Variants in RASAL2 observed in about 807,000 individuals in gnomAD.
The protein encoded by RASAL2 is RAS protein activator like 2.
RASAL2 carries 58 observed loss-of-function variants against 128.9 expected under a neutral mutation model. That is an observed-to-expected ratio of 0.45 (90% confidence interval 0.36 to 0.56). The LOEUF is 0.56. Ranked by LOEUF, RASAL2 falls within the 20% of genes least tolerant of loss-of-function variation. The pLI, the probability that RASAL2 is intolerant of heterozygous loss-of-function variation, is 0.00. For synonymous variants in RASAL2, 561 were observed against 580.8 expected, an observed-to-expected ratio of 0.97 and a Z score of 0.49; for missense variants, 1,360 against 1,601.6, an observed-to-expected ratio of 0.85 and a Z score of 2.57.
intron 1 of RASAL2, among the ~76,000 whole-genome samples, chr1:178,231,388 T>G (rs1278479599): frequency 6.6e-6 from 1 of 152,250 alleles, no homozygotes; most frequent in Admixed American, 6.5e-5. Flanking sequence ...AAAATTGGTT[T>G]TTCTTTTTAC....
chr1:178,131,581 ATTCTTTTAGTAACTC>A (rs1660119736), intron 1 of RASAL2, among the ~76,000 whole-genome samples: 1 of 151,898 alleles, frequency 6.6e-6, no homozygotes, highest in South Asian at 2.1e-4. Context: ...CTAATTTAAC[ATTCTTTTAGTAACTC>A]TTGCAAGGTG....
chr1:178,190,731 A>G (rs1483930546), intron 1 of RASAL2, among the ~76,000 whole-genome samples: 1 of 27,758 alleles, frequency 3.6e-5, no homozygotes, highest in Admixed American at 5.9e-4. Flanking sequence ...TTGTAATTTC[A>G]TAGTTAAAAA....
intron 1 of RASAL2, among the ~76,000 whole-genome samples, chr1:178,119,088 G>A (rs975170996): frequency 6.6e-5 from 10 of 152,044 alleles, no homozygotes; most frequent in Admixed American, 2.6e-4. Context: ...GGTTGGTCTC[G>A]AACTCCTGAC....
intron 1 of RASAL2, among the ~76,000 whole-genome samples, chr1:178,110,584 T>G (rs1168028923): frequency 6.8e-6 from 1 of 146,144 alleles, no homozygotes; most frequent in Non-Finnish European, 1.5e-5. Flanking sequence ...ATGTAGTATA[T>G]ATATGCTATA....
At chr1:178,207,152 A>C (rs1374032135) in intron 1 of RASAL2, among the ~76,000 whole-genome samples, 1 of 1,054 alleles carries the variant, frequency 9.5e-4, no homozygotes, top group Non-Finnish European at 0.029. Flanking sequence ...CCTTGTCTCA[A>C]AAAAAAAAAA....
At chr1:178,228,929 A>T (rs1453307221) in intron 1 of RASAL2, among the ~76,000 whole-genome samples, 1 of 152,080 alleles carries the variant, frequency 6.6e-6, no homozygotes, top group Non-Finnish European at 1.5e-5. Context: ...TATATTATAG[A>T]CTCAAAGGAA....
intron 4 of RASAL2, among the ~76,000 whole-genome samples, chr1:178,400,398 C>G (rs1198712555): frequency 6.6e-6 from 1 of 152,142 alleles, no homozygotes; most frequent in Admixed American, 6.5e-5. Flanking sequence ...TCCAGTGTTT[C>G]GTTACCTCTT....
In RASAL2 at chr1:178,094,621, C is replaced by A; in HGVS notation, c.129C>A (p.Ala43=). Reference sequence around the variant, plus strand: ...ACGCGGTTGTCCCAGTCAGTGGAGCCGTCGCCGGTGGCATGTTGGATCGGA... The same window carrying A: ...ACGCGGTTGTCCCAGTCAGTGGAGCAGTCGCCGGTGGCATGTTGGATCGGA... The part of the protein sequence containing the change: ...DLDAVVPVSG[A]VAGGMLDRIL... The change falls in exon 1 of 18, where the codon GCC becomes GCA. Residue 43 remains alanine, a synonymous_variant. Transcript: ENST00000367649. 6.2e-7 allele frequency: 1 copy of A among 1,613,480 alleles called. No homozygotes were observed. Among genetic ancestry groups the A allele is most frequent in the Non-Finnish European group, 8.5e-7 (1 of 1,179,818 alleles).
intron 5 of RASAL2, among the ~76,000 whole-genome samples, chr1:178,433,911 A>G (rs1470788854): frequency 2.0e-5 from 3 of 151,574 alleles, no homozygotes; most frequent in African/African-American, 7.3e-5. Flanking sequence ...GAGAGAAACT[A>G]TGTCTCAAAA....
chr1:178,254,488 A>T (rs577088195), intron 1 of RASAL2, among the ~76,000 whole-genome samples: 6 of 152,326 alleles, frequency 3.9e-5, no homozygotes, highest in African/African-American at 1.4e-4. Context: ...AGCCTTTGGA[A>T]ATGGTCATAA....
chr1:178,253,756 T>C (rs372330064), intron 1 of RASAL2, among the ~76,000 whole-genome samples: 6 of 152,156 alleles, frequency 3.9e-5, no homozygotes, highest in African/African-American at 1.4e-4. Flanking sequence ...CAAGGTAATG[T>C]CATCAGTTAA....
At chr1:178,127,642 A>G (rs957549262) in intron 1 of RASAL2, among the ~76,000 whole-genome samples, 1 of 152,088 alleles carries the variant, frequency 6.6e-6, no homozygotes, top group African/African-American at 2.4e-5. Context: ...TACATTTTAT[A>G]ACTTTGTTAC....
At chr1:178,428,690 A>G (rs1675686560) in intron 5 of RASAL2, among the ~76,000 whole-genome samples, 1 of 152,014 alleles carries the variant, frequency 6.6e-6, no homozygotes, top group Admixed American at 6.6e-5. Flanking sequence ...CCTGGGCTCA[A>G]GTAATCCTCC....
At chr1:178,116,756 C>T (rs757294866) in intron 1 of RASAL2, among the ~76,000 whole-genome samples, 10 of 152,066 alleles carry the variant, frequency 6.6e-5, no homozygotes, top group African/African-American at 2.4e-4. Context: ...ATTACATGCA[C>T]CCACCACCAC....
intron 1 of RASAL2, among the ~76,000 whole-genome samples, chr1:178,213,894 GA>G (rs900950666): frequency 8.5e-4 from 124 of 145,820 alleles, no homozygotes; most frequent in Non-Finnish European, 1.5e-3. Context: ...TTTATATAGG[GA>G]AAAAAAAAAC....
intron 1 of RASAL2, among the ~76,000 whole-genome samples, chr1:178,115,259 A>G (rs1329670176): frequency 3.9e-5 from 6 of 152,228 alleles, no homozygotes; most frequent in Admixed American, 1.3e-4. Context: ...CTAAATTGTC[A>G]AATGTATTAA....
At chr1:178,450,312 C>T (rs1270619292) in intron 9 of RASAL2, among the ~76,000 whole-genome samples, 1 of 152,228 alleles carries the variant, frequency 6.6e-6, no homozygotes, top group East Asian at 1.9e-4. Flanking sequence ...ACAAACAAGA[C>T]AGCTGAAACT....
intron 4 of RASAL2, among the ~76,000 whole-genome samples, chr1:178,408,848 C>T (rs1674168492): frequency 6.6e-6 from 1 of 152,060 alleles, no homozygotes; most frequent in Non-Finnish European, 1.5e-5. Context: ...GTGAGGCTAC[C>T]TAGGCTCAAA....
intron 17 of RASAL2, among the ~76,000 whole-genome samples, chr1:178,471,233 C>T (rs1648240088): frequency 1.3e-5 from 2 of 152,068 alleles, no homozygotes. Context: ...AAGAAATTAT[C>T]AGTTACTCAG....
Sources: allele counts gnomAD v4.1 joint callset (sites outside exome capture counted in the v4.1 genomes callset), GRCh38; gene constraint gnomAD v4.1.1; transcripts MANE v1.5; gene names NCBI Gene and HGNC (gene_info 2026-07-23, HGNC 2026-07-21).